The following DNAH7 variants were observed in gnomAD, a reference collection of about 807,000 sequenced individuals.
DNAH7 encodes dynein axonemal heavy chain 7.
In DNAH7, 397 loss-of-function variants were observed where a neutral mutation model predicts 444.6. The ratio of observed to expected loss-of-function variants is 0.89; its 90% CI spans 0.82 to 0.97. The LOEUF is 0.97. Among genes scored for constraint, DNAH7 ranks in the 50% least tolerant of loss-of-function variants. DNAH7 has a pLI of 0.00. For missense variants in DNAH7, 4,902 were observed against 4,800.8 expected (o/e 1.02, Z -0.62); for synonymous variants, 1,636 against 1,624.4 (o/e 1.01, Z -0.17).
At chr2:195,886,012 C>A in intron 34 of DNAH7, 129 bp downstream of exon 34, 1 of 1,115,090 alleles carries the variant, frequency 9.0e-7, no homozygotes, top group Non-Finnish European at 1.2e-6. Flanking sequence ...TTTGCTCATT[C>A]TTCAGCTACC....
At chr2:195,932,504 G>C (rs1444598974) in intron 21 of DNAH7, among the ~76,000 whole-genome samples, 1 of 152,102 alleles carries the variant, frequency 6.6e-6, no homozygotes, top group Admixed American at 6.6e-5. Flanking sequence ...AGTTTTCAAA[G>C]GGAATGCTTC....
rs1417372054 is a variant in DNAH7 at position 195,792,525 on chromosome 2, A to G, written c.10716+1813T>C. Among the ~76,000 whole-genome samples, 4 of 152,102 alleles carry G rather than the reference A, an allele frequency of 2.6e-5. No homozygotes were observed. In the East Asian group the frequency reaches 7.7e-4, roughly 29 times the overall value. ...ATAGGAAAATGTGCCAGATTAAAAG[A>G]GACAAAAGAGACGAGGCAATTAAGT... On this transcript the variant is annotated intron_variant, in intron 57 of 64. Transcript: ENST00000312428.
intron 38 of DNAH7, among the ~76,000 whole-genome samples, chr2:195,875,423 A>C (rs746500625): frequency 6.6e-6 from 1 of 152,176 alleles, no homozygotes; most frequent in South Asian, 2.1e-4. Context: ...AAGTTTCAGA[A>C]GGTGGGAGAA....
At chr2:195,866,151 T>C (rs1438544968) in intron 40 of DNAH7, among the ~76,000 whole-genome samples, 2 of 152,304 alleles carry the variant, frequency 1.3e-5, no homozygotes, top group African/African-American at 2.4e-5. Context: ...TCTTCACCTA[T>C]AAAATAGAAG....
At chr2:195,981,802 C>T (rs1457905631) in intron 15 of DNAH7, among the ~76,000 whole-genome samples, 1 of 152,094 alleles carries the variant, frequency 6.6e-6, no homozygotes, top group Non-Finnish European at 1.5e-5. Flanking sequence ...TCAACATATA[C>T]AAAAATCAAA....
chr2:195,744,579 G>C (rs1024777228), intron 63 of DNAH7, among the ~76,000 whole-genome samples: 1 of 152,194 alleles, frequency 6.6e-6, no homozygotes, highest in African/African-American at 2.4e-5. Context: ...CCTCACCCCC[G>C]AGCAGCCTAA....
intron 27 of DNAH7, chr2:195,904,120 T>C (rs185435938): frequency 2.8e-4 from 42 of 151,598 alleles, no homozygotes; most frequent in Admixed American, 2.7e-3. Flanking sequence ...GAGAAGGCAA[T>C]GACAACTGGA....
chr2:195,843,310 A>T (rs2125000856), intron 47 of DNAH7, among the ~76,000 whole-genome samples: 1 of 152,304 alleles, frequency 6.6e-6, no homozygotes, highest in Admixed American at 6.5e-5. Flanking sequence ...GCTAATGCAC[A>T]TATTTATCAT....
intron 63 of DNAH7, among the ~76,000 whole-genome samples, chr2:195,751,166 G>C (rs1397309720): frequency 6.6e-6 from 1 of 152,150 alleles, no homozygotes; most frequent in Non-Finnish European, 1.5e-5. Flanking sequence ...TAAGAATAAA[G>C]GGATTTTGAA....
chr2:195,931,810 G>A (rs1387250809), intron 21 of DNAH7, among the ~76,000 whole-genome samples: 1 of 152,202 alleles, frequency 6.6e-6, no homozygotes. Flanking sequence ...GTGCCATGCT[G>A]TTTTGGTTAC....
chr2:196,001,589 A>G, intron 11 of DNAH7, 86 bp downstream of exon 11: 1 of 1,250,746 alleles, frequency 8.0e-7, no homozygotes, highest in Middle Eastern at 2.2e-4. Flanking sequence ...CTGCCCTCTC[A>G]CTGATAGAGA....
intron 24 of DNAH7, among the ~76,000 whole-genome samples, chr2:195,911,439 A>G (rs1687353469): frequency 6.6e-6 from 1 of 152,176 alleles, no homozygotes; most frequent in Non-Finnish European, 1.5e-5. Flanking sequence ...ACATAGAAGG[A>G]AGAAAATGGG....
At chr2:195,842,000 T>C (rs1698715591) in intron 47 of DNAH7, among the ~76,000 whole-genome samples, 1 of 152,094 alleles carries the variant, frequency 6.6e-6, no homozygotes, top group Non-Finnish European at 1.5e-5. Context: ...ATTTTCGTTT[T>C]TACACACACA....
intron 19 of DNAH7, among the ~76,000 whole-genome samples, chr2:195,954,272 G>A (rs1033519709): frequency 6.6e-6 from 1 of 152,140 alleles, no homozygotes; most frequent in Non-Finnish European, 1.5e-5. Context: ...GTGAGAACAT[G>A]TGGTGTTTGG....
chr2:195,760,659 C>T (rs1180368714), intron 61 of DNAH7, among the ~76,000 whole-genome samples: 2 of 152,026 alleles, frequency 1.3e-5, no homozygotes, highest in South Asian at 2.1e-4. Context: ...TCTTCTGAAC[C>T]TTATCCAAGA....
chr2:195,990,681 G>T (rs1246624295), intron 12 of DNAH7, among the ~76,000 whole-genome samples: 1 of 151,206 alleles, frequency 6.6e-6, no homozygotes, highest in East Asian at 1.9e-4. Context: ...TATTGTAGAA[G>T]TGTGGATTTA....
chr2:196,039,837 A>G (rs1246089025), intron 5 of DNAH7, among the ~76,000 whole-genome samples: 9 of 151,958 alleles, frequency 5.9e-5, no homozygotes, highest in Admixed American at 5.9e-4. Context: ...TAGTTTTTTA[A>G]AAAGATAAAT....
chr2:195,827,818 C>T (rs1431094702), intron 48 of DNAH7, among the ~76,000 whole-genome samples: 2 of 152,070 alleles, frequency 1.3e-5, no homozygotes, highest in Non-Finnish European at 2.9e-5. Context: ...CTCAACCAAT[C>T]CTCTTACCTC....
At chr2:195,873,423 A>G in intron 39 of DNAH7, 145 bp downstream of exon 39, 1 of 463,244 alleles carries the variant, frequency 2.2e-6, no homozygotes, top group Middle Eastern at 6.0e-4. Context: ...GGGAGGTGGC[A>G]GGAACAGAGG....
Sources: gnomAD v4.1 joint callset for allele counts (sites outside exome capture counted in the v4.1 genomes callset) on GRCh38, gnomAD v4.1.1 for gene constraint, MANE v1.5 for transcripts, NCBI Gene and HGNC (gene_info 2026-07-23, HGNC 2026-07-21) for gene names.